Variants in LIN9 observed in about 807,000 individuals in gnomAD.
LIN9 encodes protein lin-9 homolog.
In LIN9, 18 loss-of-function variants were observed where a neutral mutation model predicts 78.0. The ratio of observed to expected loss-of-function variants is 0.23; its 90% CI spans 0.16 to 0.34. LIN9 has a LOEUF of 0.34. LIN9 is among the 10% of genes least tolerant of loss of function. The pLI is 1.00. For missense variants in LIN9, 451 were observed against 644.1 expected, an observed-to-expected ratio of 0.70 and a Z score of 3.25; for synonymous variants, 192 against 215.2, an observed-to-expected ratio of 0.89 and a Z score of 0.94.
intron 8 of LIN9, among the ~76,000 whole-genome samples, chr1:226,267,318 A>ATATGTATGTATG (rs139272484): frequency 1.2e-3 from 166 of 140,886 alleles, no homozygotes; most frequent in African/African-American, 2.8e-3. Context: ...TATTATGTAT[A>ATATGTATGTATG]TATGTATGTA....
At chr1:226,296,648 G>A (rs114291032) in intron 3 of LIN9, among the ~76,000 whole-genome samples, 200 of 152,218 alleles carry the variant, frequency 1.3e-3, no homozygotes, top group African/African-American at 4.5e-3. Context: ...CACCCCTCAT[G>A]GCTATTTGGA....
At chr1:226,242,669 C>G (rs972646392) in intron 11 of LIN9, among the ~76,000 whole-genome samples, 1 of 152,072 alleles carries the variant, frequency 6.6e-6, no homozygotes, top group Non-Finnish European at 1.5e-5. Flanking sequence ...TTTGCAACAG[C>G]CTACCAGATC....
At chr1:226,295,786 G>C (rs949552861) in intron 4 of LIN9, 56 bp downstream of exon 4, 9 of 1,026,672 alleles carry the variant, frequency 8.8e-6, no homozygotes, top group Admixed American at 4.6e-5. Context: ...AACTTTATTA[G>C]GCTGAGCATT....
chr1:226,266,601 G>T (rs946737478), intron 8 of LIN9, among the ~76,000 whole-genome samples: 5 of 150,326 alleles, frequency 3.3e-5, no homozygotes, highest in Non-Finnish European at 5.9e-5. Flanking sequence ...AAGGGGGGGG[G>T]TCAAAATAGT....
chr1:226,241,848 A>T (rs1658135853), intron 11 of LIN9, among the ~76,000 whole-genome samples: 1 of 150,866 alleles, frequency 6.6e-6, no homozygotes, highest in Non-Finnish European at 1.5e-5. Flanking sequence ...ACAGAGCGAG[A>T]CTCTGTTTCA....
intron 3 of LIN9, among the ~76,000 whole-genome samples, chr1:226,296,708 G>T (rs1358457960): frequency 1.3e-5 from 2 of 152,052 alleles, no homozygotes; most frequent in Non-Finnish European, 2.9e-5. Context: ...ATCCACTCGG[G>T]TCTATGAACC....
At chr1:226,267,040 A>G (rs1314935265) in intron 8 of LIN9, among the ~76,000 whole-genome samples, 1 of 151,920 alleles carries the variant, frequency 6.6e-6, no homozygotes, top group Non-Finnish European at 1.5e-5. Flanking sequence ...TCAGCCTCCC[A>G]AAGTGCTGGG....
chr1:226,259,361 T>C (rs1305564172), intron 10 of LIN9, among the ~76,000 whole-genome samples: 1 of 152,118 alleles, frequency 6.6e-6, no homozygotes, highest in Admixed American at 6.5e-5. Flanking sequence ...TAGTTGGAGA[T>C]TTTGATACCC....
chr1:226,261,138 TA>T (rs144773143), intron 10 of LIN9, among the ~76,000 whole-genome samples: 20,015 of 140,630 alleles, frequency 0.14, 1,530 homozygotes, highest in African/African-American at 0.23. Flanking sequence ...CTCAACCTGA[TA>T]AAAAAAAAAA....
intron 12 of LIN9, among the ~76,000 whole-genome samples, chr1:226,236,434 TTG>T (rs1045811075): frequency 2.0e-5 from 3 of 151,988 alleles, no homozygotes; most frequent in African/African-American, 7.2e-5. Context: ...ATATATTCTC[TTG>T]TGTCTGACTT....
At chr1:226,262,450 G>A (rs960424107) in intron 10 of LIN9, among the ~76,000 whole-genome samples, 13 of 151,910 alleles carry the variant, frequency 8.6e-5, no homozygotes, top group African/African-American at 2.9e-4. Flanking sequence ...ACAAACAATT[G>A]GATTAAAAAA....
At chr1:226,287,538 C>A in intron 5 of LIN9, 126 bp downstream of exon 5, 1 of 614,272 alleles carries the variant, frequency 1.6e-6, no homozygotes, top group Non-Finnish European at 2.7e-6. Context: ...GAATGTGGAA[C>A]AGAAAAATGA....
At chr1:226,309,612 A>C, upstream of LIN9, 1 of 1,251,996 alleles carries the variant, frequency 8.0e-7, no homozygotes, top group South Asian at 1.3e-5. Flanking sequence ...CTCTACGCAA[A>C]GTGAAATACT....
At chr1:226,304,191 T>C (rs1453528153) in intron 1 of LIN9, among the ~76,000 whole-genome samples, 2 of 152,212 alleles carry the variant, frequency 1.3e-5, no homozygotes, top group Non-Finnish European at 2.9e-5. Flanking sequence ...AGAACATGGA[T>C]TTTTCAGTCA....
chr1:226,298,653 G>GA (rs1662311223), intron 2 of LIN9, among the ~76,000 whole-genome samples: 1 of 152,206 alleles, frequency 6.6e-6, no homozygotes, highest in Non-Finnish European at 1.5e-5. Context: ...TTGAGGCCAT[G>GA]AGTTCGAGAC....
intron 11 of LIN9, among the ~76,000 whole-genome samples, chr1:226,250,152 G>C (rs1342417574): frequency 1.3e-5 from 2 of 148,466 alleles, no homozygotes; most frequent in Non-Finnish European, 3.0e-5. Context: ...CCTGGGCGAC[G>C]AGCAAAATTC....
At chr1:226,282,705 C>T (rs952805346) in intron 6 of LIN9, among the ~76,000 whole-genome samples, 4 of 152,280 alleles carry the variant, frequency 2.6e-5, no homozygotes, top group Admixed American at 6.5e-5. Flanking sequence ...CCTGTAATCC[C>T]AGCTACTCAG....
chr1:226,295,374 G>A (rs1189452002), intron 4 of LIN9, among the ~76,000 whole-genome samples: 4 of 151,828 alleles, frequency 2.6e-5, no homozygotes, highest in African/African-American at 7.3e-5. Context: ...ATTTGAACCC[G>A]GGAGGCAAAA....
chr1:226,297,976 C>T (rs1002840748), intron 2 of LIN9, among the ~76,000 whole-genome samples, 163 bp from the exon 3 acceptor site: 1 of 152,046 alleles, frequency 6.6e-6, no homozygotes, highest in Non-Finnish European at 1.5e-5. Flanking sequence ...AAAGCTCTTC[C>T]GTATTTTTCT....
Sources: gnomAD v4.1 joint callset for allele counts (sites outside exome capture counted in the v4.1 genomes callset) on GRCh38, gnomAD v4.1.1 for gene constraint, MANE v1.5 for transcripts, NCBI Gene and HGNC (gene_info 2026-07-23, HGNC 2026-07-21) for gene names.